The following PCDHA4 variants were observed in gnomAD, a reference collection of about 807,000 sequenced individuals.
The protein encoded by PCDHA4 is protocadherin alpha-4.
A neutral mutation model predicts 61.4 loss-of-function variants in PCDHA4; 49 were observed. That is an observed-to-expected ratio of 0.80 (90% confidence interval 0.63 to 1.01). The LOEUF (loss-of-function observed/expected upper bound fraction) is 1.01, where lower values mean the gene tolerates loss of function less well. Ranked by LOEUF, PCDHA4 falls within the 50% of genes least tolerant of loss-of-function variation. PCDHA4 has a pLI of 0.00. For missense variants in PCDHA4, 1,254 were observed against 1,235.8 expected, an observed-to-expected ratio of 1.01 and a Z score of -0.22; for synonymous variants, 590 against 550.3, an observed-to-expected ratio of 1.07 and a Z score of -1.01.
At chr5:140,882,212 G>A in intron 1 of PCDHA4, 1 of 1,539,436 alleles carries the variant, frequency 6.5e-7, no homozygotes. Context: ...TTGAGAGACA[G>A]TTTGAGGTAA....
intron 1 of PCDHA4, chr5:140,876,679 A>T (rs782671923): frequency 2.5e-6 from 4 of 1,614,118 alleles, no homozygotes; most frequent in Non-Finnish European, 3.4e-6. Flanking sequence ...CACCTACAAG[A>T]ATTACTACTC....
Position 140,868,882 on chromosome 5 carries a change from T to A in PCDHA4, c.2385+59310T>A. On this transcript the variant is annotated intron_variant, in intron 1 of 3. Transcript: ENST00000530339. Reference sequence around the variant, plus strand: ...TAAATGCAGTGCACAGTACTCACAGTTTTAGGCGCAAGGTGTCGCTCTTTA... The same window carrying A: ...TAAATGCAGTGCACAGTACTCACAGATTTAGGCGCAAGGTGTCGCTCTTTA... 4 of 715,192 alleles carry A rather than the reference T, an allele frequency of 5.6e-6. No homozygotes were observed. In the South Asian group the frequency reaches 8.5e-5, roughly 15 times the overall value. 44.3% of individuals were successfully genotyped at this position (715,192 alleles called of 1,614,324 possible).
chr5:140,841,126 C>T, intron 1 of PCDHA4: 1 of 659,096 alleles, frequency 1.5e-6, no homozygotes, highest in South Asian at 2.2e-5. Flanking sequence ...TAATCATTAC[C>T]TTTTGAAGCC....
At chr5:140,831,140 A>G (rs1327824890) in intron 1 of PCDHA4, 1 of 152,182 alleles carries the variant, frequency 6.6e-6, no homozygotes, top group African/African-American at 2.4e-5. Flanking sequence ...TTATTGATTT[A>G]TTTACTACCG....
chr5:140,932,952 T>G (rs2088746376), intron 1 of PCDHA4, among the ~76,000 whole-genome samples: 1 of 152,008 alleles, frequency 6.6e-6, no homozygotes, highest in Non-Finnish European at 1.5e-5. Flanking sequence ...GAAGGTGGAC[T>G]AAATTGCTGA....
intron 3 of PCDHA4, among the ~76,000 whole-genome samples, chr5:141,006,150 G>A (rs1035867146): frequency 1.1e-4 from 16 of 151,274 alleles, no homozygotes; most frequent in Admixed American, 6.6e-5. Flanking sequence ...AAGCAGAGGA[G>A]TGATATAATC....
intron 1 of PCDHA4, chr5:140,842,575 G>A (rs2150339697): frequency 6.6e-7 from 1 of 1,509,128 alleles, no homozygotes; most frequent in South Asian, 1.2e-5. Flanking sequence ...GCGAGAGAGT[G>A]TCGGCCTATG....
In PCDHA4 at chr5:141,002,220, G is replaced by GC. The variant is rs1319895049; in HGVS notation, c.2534-7407_2534-7406insC. ...AGTCCCCGGCTTTAATCAAAATGAT[G>GC]GGTTTTCTGGAAGCTCTTTATTAAC... On this transcript the variant is annotated intron_variant, in intron 3 of 3. Coordinates refer to ENST00000530339, the MANE Select transcript of PCDHA4 (RefSeq NM_018907.4). Among the ~76,000 whole-genome samples, 33 of 152,196 alleles carry GC rather than the reference G, an allele frequency of 2.2e-4. 1 individual carries two copies. Among genetic ancestry groups the GC allele is most frequent in the Admixed American group, 1.0e-3 (16 of 15,274 alleles).
chr5:140,943,574 G>C (rs1424164723), intron 1 of PCDHA4, among the ~76,000 whole-genome samples: 1 of 152,154 alleles, frequency 6.6e-6, no homozygotes, highest in African/African-American at 2.4e-5. Context: ...TTAATTTGTT[G>C]ATCTGAGTGG....
chr5:140,850,813 G>A (rs2150499202), intron 1 of PCDHA4: 2 of 1,598,488 alleles, frequency 1.3e-6, no homozygotes, highest in Admixed American at 1.7e-5. Flanking sequence ...ATGGCCTTCA[G>A]CCCGGGCCTT....
intron 1 of PCDHA4, among the ~76,000 whole-genome samples, chr5:140,942,620 A>C (rs1304224304): frequency 3.5e-5 from 1 of 28,710 alleles, no homozygotes; most frequent in African/African-American, 2.6e-4. Context: ...TGCCAATTGT[A>C]AAAAAAAAAA....
intron 1 of PCDHA4, chr5:140,860,608 A>G (rs1266938252): frequency 6.6e-6 from 1 of 152,266 alleles, no homozygotes; most frequent in African/African-American, 2.4e-5. Flanking sequence ...GCTCACAAAG[A>G]GAAACATAAA....
intron 1 of PCDHA4, among the ~76,000 whole-genome samples, chr5:140,952,639 G>C (rs2094775564): frequency 6.6e-6 from 1 of 152,102 alleles, no homozygotes; most frequent in Non-Finnish European, 1.5e-5. Flanking sequence ...ATTCCAACCT[G>C]TGCCTGGTTA....
Position 140,829,129 on chromosome 5 carries a change from C to G in PCDHA4, c.2385+19557C>G. 1 of 1,612,248 alleles carries G rather than the reference C, an allele frequency of 6.2e-7. No homozygotes were observed. Among genetic ancestry groups the G allele is most frequent in the Admixed American group, 1.7e-5 (1 of 59,996 alleles). ...TGAGAATTTTGGATAAAAATGATAA[C>G]GTCCCTGAGATAGCACTGACTTCCT... is the stretch of plus-strand genomic sequence containing the variant. On this transcript the variant is annotated intron_variant, in intron 1 of 3. Coordinates refer to ENST00000530339, the MANE Select transcript of PCDHA4 (RefSeq NM_018907.4).
At chr5:140,842,744 T>C in intron 1 of PCDHA4, 1 of 1,595,066 alleles carries the variant, frequency 6.3e-7, no homozygotes, top group East Asian at 2.2e-5. Context: ...CTGCCACATC[T>C]TCACGGTGTC....
At chr5:140,954,406 G>A (rs556455987) in intron 1 of PCDHA4, among the ~76,000 whole-genome samples, 2 of 152,268 alleles carry the variant, frequency 1.3e-5, no homozygotes, top group East Asian at 3.9e-4. Flanking sequence ...CACCAACAGG[G>A]TAAAGGTGTT....
chr5:140,851,936 G>C (rs1554145612), intron 1 of PCDHA4: 1 of 965,662 alleles, frequency 1.0e-6, no homozygotes, highest in African/African-American at 1.8e-5. Flanking sequence ...CTGAATTGTA[G>C]TATGTGACTT....
rs1554124911 is a variant in PCDHA4, at chr5:140,808,954, C to G, written c.1767C>G (p.His589Gln). ...TGCCATGGTCGGTGGGTGTGGGCCACGTGGTGGCAAAGGTGCGCGCGGTGG... is the reference window on the plus strand; with the variant it reads ...TGCCATGGTCGGTGGGTGTGGGCCAGGTGGTGGCAAAGGTGCGCGCGGTGG... Reference protein sequence around the residue: ...ELVPWSVGVGHVVAKVRAVDA... With the variant: ...ELVPWSVGVGQVVAKVRAVDA... Residue 589 changes from histidine (H) to glutamine (Q), a missense_variant, in exon 1 of 4, where the codon CAC (histidine) becomes CAG (glutamine). His to Gln is a conservative substitution (Grantham distance 24). Coordinates refer to ENST00000530339, the MANE Select transcript of PCDHA4 (RefSeq NM_018907.4). 5.6e-6 allele frequency: 9 copies of G among 1,613,580 alleles called. No homozygotes were observed. The highest frequency in any genetic ancestry group is 1.3e-5 in the African/African-American group (1 of 75,054).
At chr5:140,925,671 A>AATAATG (rs1554202870) in intron 1 of PCDHA4, among the ~76,000 whole-genome samples, 40 of 148,180 alleles carry the variant, frequency 2.7e-4, no homozygotes, top group African/African-American at 9.5e-4. Flanking sequence ...TAATAATAAT[A>AATAATG]ATAATAAAGC....
Sources: allele counts gnomAD v4.1 joint callset (sites outside exome capture counted in the v4.1 genomes callset), GRCh38; gene constraint gnomAD v4.1.1; transcripts MANE v1.5; gene names NCBI Gene and HGNC (gene_info 2026-07-23, HGNC 2026-07-21).